The following PIGS variants were observed in gnomAD, a reference collection of about 807,000 sequenced individuals.
PIGS encodes phosphatidylinositol glycan anchor biosynthesis class S.
Under a neutral mutation model 58.2 loss-of-function variants are expected in PIGS, and 37 were observed. The observed-to-expected ratio is 0.64, with a 90% CI of 0.49 to 0.84. The LOEUF (loss-of-function observed/expected upper bound fraction) is 0.84, where lower values mean the gene tolerates loss of function less well. Ranked by LOEUF, PIGS falls within the 40% of genes least tolerant of loss-of-function variation. The probability of loss-of-function intolerance (pLI) is 0.00; values close to 1 mark genes in which losing one functional copy is unlikely to be tolerated. For missense variants in PIGS, 629 were observed against 710.8 expected (o/e 0.88, Z 1.31); for synonymous variants, 269 against 289.2 (o/e 0.93, Z 0.71).
intron 3 of PIGS, among the ~76,000 whole-genome samples, chr17:28,569,176 T>A (rs907554625): frequency 3.3e-5 from 5 of 151,586 alleles, no homozygotes; most frequent in Non-Finnish European, 5.9e-5. Flanking sequence ...ATCATTTTTT[T>A]AAAAAAATGT....
intron 4 of PIGS, 29 bp from the exon 5 acceptor site, chr17:28,563,551 G>C (rs2070377679): frequency 4.4e-6 from 7 of 1,589,176 alleles, no homozygotes; most frequent in African/African-American, 4.0e-5. Flanking sequence ...GGTACACCAA[G>C]AGCAAAACAC....
intron 3 of PIGS, among the ~76,000 whole-genome samples, chr17:28,568,593 TAA>T (rs1402671408): frequency 6.6e-6 from 1 of 152,180 alleles, no homozygotes; most frequent in African/African-American, 2.4e-5. Context: ...TTTACACAAA[TAA>T]GTGGCAGAAT....
intron 6 of PIGS, 73 bp downstream of exon 6, chr17:28,561,349 G>T: frequency 7.3e-7 from 1 of 1,378,672 alleles, no homozygotes; most frequent in African/African-American, 1.5e-5. Flanking sequence ...GAAAGAAGTT[G>T]GCATGCAGAT....
chr17:28,571,290 GT>G, intron 1 of PIGS, 102 bp from the exon 2 acceptor site: 1 of 1,531,898 alleles, frequency 6.5e-7, no homozygotes, highest in East Asian at 2.3e-5. Flanking sequence ...AGGGGCCCGC[GT>G]TCATTGGGAT....
At chr17:28,567,171 T>C (rs1389071472) in intron 3 of PIGS, among the ~76,000 whole-genome samples, 1 of 152,212 alleles carries the variant, frequency 6.6e-6, no homozygotes, top group African/African-American at 2.4e-5. Flanking sequence ...ACTCACTACA[T>C]AATCTTTGCA....
Position 28,555,217 on chromosome 17 carries a change from A to C in PIGS, c.1182-156T>G, listed in dbSNP as rs1400037613. On this transcript the variant is annotated intron_variant, in intron 10 of 11. Coordinates refer to ENST00000308360, the MANE Select transcript of PIGS (RefSeq NM_033198.4). ...AGTACCTCAGGGTCTTGGGGGCATA[A>C]GGGGCAACACCAAACAAGTTGGCCC... 4.4e-6 allele frequency: 3 copies of C among 678,930 alleles called. No individual in the cohort carries two copies. In the African/African-American group the frequency reaches 5.5e-5, roughly 12 times the overall value. The allele number at this position is 678,930 out of a possible 1,614,324, so 42.1% of individuals were successfully genotyped here. A position where few individuals can be genotyped will look rare whatever the true frequency, so the allele number is the denominator to read the frequency against.
In PIGS at chr17:28,554,107, A is replaced by T; in HGVS notation, c.*113T>A. 1 of 1,378,552 alleles carries T rather than the reference A, an allele frequency of 7.3e-7. No homozygotes were observed. The highest frequency in any genetic ancestry group is 9.9e-7 in the Non-Finnish European group (1 of 1,005,642). 85.4% of individuals were successfully genotyped at this position (1,378,552 alleles called of 1,614,324 possible). A position where few individuals can be genotyped will look rare whatever the true frequency, so the allele number is the denominator to read the frequency against. The stretch of plus-strand genomic sequence containing the variant: ...TTGGTTGCTGGAGAGCCAACAGTGG[A>T]GACTGGAGACAAATATTTAAGTCAT... On this transcript the variant is annotated 3_prime_UTR_variant, in exon 12 of 12. Coordinates refer to ENST00000308360, the MANE Select transcript of PIGS (RefSeq NM_033198.4).
At chr17:28,556,009 T>G in intron 10 of PIGS, 157 bp downstream of exon 10, 2 of 645,756 alleles carry the variant, frequency 3.1e-6, no homozygotes, top group Non-Finnish European at 5.5e-6. Flanking sequence ...CTAGTCCTTC[T>G]TAGAAGGATG....
At chr17:28,555,850 G>C (rs1322602332) in intron 10 of PIGS, 3 of 250,196 alleles carry the variant, frequency 1.2e-5, no homozygotes, top group African/African-American at 6.9e-5. Flanking sequence ...GGCACCTGTA[G>C]TCCCAGCTAC....
At position 28,569,164 on chromosome 17, in the gene PIGS, A is replaced by G. The variant is rs550925408; in HGVS notation, c.286+1688T>C. 7.9e-5 allele frequency among the ~76,000 whole-genome samples: 12 copies of G among 151,506 alleles called. No homozygotes were observed. In the South Asian group the frequency reaches 1.3e-3, roughly 16 times the overall value. Reference sequence around the variant, plus strand: ...GTGTACAGAGGCTGAACCATACGAAATATCATTTTTTTAAAAAAATGTTTT... The same window carrying G: ...GTGTACAGAGGCTGAACCATACGAAGTATCATTTTTTTAAAAAAATGTTTT... On this transcript the variant is annotated intron_variant, in intron 3 of 11. Coordinates refer to ENST00000308360, the MANE Select transcript of PIGS (RefSeq NM_033198.4).
intron 9 of PIGS, chr17:28,556,479 T>C (rs926213328): frequency 1.8e-5 from 13 of 718,828 alleles, no homozygotes; most frequent in Admixed American, 1.7e-4. Flanking sequence ...CATATTTTTT[T>C]CTTATCCCAT....
At chr17:28,566,128 G>C (rs1026539642) in intron 3 of PIGS, among the ~76,000 whole-genome samples, 2 of 150,730 alleles carry the variant, frequency 1.3e-5, no homozygotes, top group African/African-American at 2.4e-5. Context: ...GGGAGCTTGA[G>C]AGCTTGAGGT....
chr17:28,570,456 A>C (rs894021078), intron 3 of PIGS, among the ~76,000 whole-genome samples: 1 of 152,250 alleles, frequency 6.6e-6, no homozygotes, highest in Non-Finnish European at 1.5e-5. Flanking sequence ...GGTTGCAGTG[A>C]GCCAAGATGG....
chr17:28,556,187 T>C lies in PIGS; in HGVS notation c.1160A>G (p.Glu387Gly). Residue 387 changes from glutamate (E) to glycine (G), a missense_variant, in exon 10 of 12, where the codon GAG becomes GGG. Glu to Gly is a moderately conservative substitution (Grantham distance 98). Coordinates refer to ENST00000308360, the MANE Select transcript of PIGS (RefSeq NM_033198.4). ...TCACCGCAACTGTGCCAGGAACACC[T>C]CCATCACTCGCACCATGTCCACCTC... is the stretch of plus-strand genomic sequence containing the variant. Reference protein sequence around the residue: ...RVEVDMVRVMEVFLAQLRLLF... With the variant: ...RVEVDMVRVMGVFLAQLRLLF... The C allele has an allele frequency of 6.2e-7, 1 of 1,613,658 alleles. No individual in the cohort carries two copies. The highest frequency in any genetic ancestry group is 8.5e-7 in the Non-Finnish European group (1 of 1,179,696).
chr17:28,568,445 C>T (rs1388063614), intron 3 of PIGS, among the ~76,000 whole-genome samples: 1 of 152,098 alleles, frequency 6.6e-6, no homozygotes, highest in Non-Finnish European at 1.5e-5. Context: ...TTGTTCACTG[C>T]TATATCTCTA....
At chr17:28,560,359 A>C in intron 6 of PIGS, 168 bp from the exon 7 acceptor site, 1 of 766,902 alleles carries the variant, frequency 1.3e-6, no homozygotes, top group Non-Finnish European at 2.0e-6. Flanking sequence ...AGTAAGAAAA[A>C]GCTGCCGGGC....
chr17:28,557,676 C>T (rs2070339599), intron 8 of PIGS, among the ~76,000 whole-genome samples: 1 of 152,244 alleles, frequency 6.6e-6, no homozygotes, highest in Non-Finnish European at 1.5e-5. Flanking sequence ...CCTCTGGTAT[C>T]TGAGATTCCA....
chr17:28,559,416 C>T (rs899734289), intron 7 of PIGS, among the ~76,000 whole-genome samples: 1 of 151,370 alleles, frequency 6.6e-6, no homozygotes, highest in East Asian at 2.0e-4. Context: ...AGGTGGATCA[C>T]GAGGTCAAAA....
chr17:28,558,646 C>CA (rs2070345097), intron 7 of PIGS, 56 bp from the exon 8 acceptor site: 2 of 1,411,978 alleles, frequency 1.4e-6, no homozygotes, highest in Admixed American at 2.1e-5. Flanking sequence ...TACTTTCTCC[C>CA]AAAAAAGATT....
Sources: allele counts gnomAD v4.1 joint callset (sites outside exome capture counted in the v4.1 genomes callset), GRCh38; gene constraint gnomAD v4.1.1; transcripts MANE v1.5; gene names NCBI Gene and HGNC (gene_info 2026-07-23, HGNC 2026-07-21).